Variants in JAKMIP1 observed in about 807,000 individuals in gnomAD.
JAKMIP1 encodes the protein janus kinase and microtubule-interacting protein 1.
A neutral mutation model predicts 113.0 loss-of-function variants in JAKMIP1; 33 were observed. That is an observed-to-expected ratio of 0.29 (90% CI 0.22 to 0.39). The LOEUF (loss-of-function observed/expected upper bound fraction) is 0.39. Among genes scored for constraint, JAKMIP1 ranks in the 10% least tolerant of loss-of-function variants. JAKMIP1 has a pLI of 1.00. For missense variants in JAKMIP1, 813 were observed against 1,080.5 expected (o/e 0.75, Z 3.47); for synonymous variants, 480 against 459.9 (o/e 1.04, Z -0.56).
At chr4:6,145,914 C>G (rs915311422) in intron 1 of JAKMIP1, among the ~76,000 whole-genome samples, 1 of 152,138 alleles carries the variant, frequency 6.6e-6, no homozygotes, top group African/African-American at 2.4e-5. Flanking sequence ...ATGTAACCAC[C>G]TCTTTACAGG....
intron 5 of JAKMIP1, among the ~76,000 whole-genome samples, chr4:6,082,852 A>G (rs1244417873): frequency 6.6e-6 from 1 of 152,318 alleles, no homozygotes; most frequent in Admixed American, 6.5e-5. Context: ...AGAGGTGAAC[A>G]GACCATGGTA....
At chr4:6,087,131 G>C (rs1721416216) in intron 3 of JAKMIP1, among the ~76,000 whole-genome samples, 1 of 152,200 alleles carries the variant, frequency 6.6e-6, no homozygotes, top group Non-Finnish European at 1.5e-5. Context: ...TTACATTTCA[G>C]TGGATTACAA....
chr4:6,169,600 A>G, intron 1 of JAKMIP1, among the ~76,000 whole-genome samples: 1 of 72,230 alleles, frequency 1.4e-5, no homozygotes, highest in Admixed American at 1.6e-4. Flanking sequence ...CAGCCCTAGG[A>G]AATTGTGTGT....
rs1479850819 is a variant in JAKMIP1, at chr4:6,176,746, G to A, written c.-148+23507C>T. ...ATTGGAGCCTATATCAAAGTGGTGG[G>A]AAAAGCTGGGCGCCATGGCTCACAC... On this transcript the variant is annotated intron_variant, in intron 1 of 20. Transcript: ENST00000409021. This position sits in a 1 kb window ranked among gnomAD's most constrained non-coding sequence, Gnocchi z 5.5. 6.6e-6 allele frequency among the ~76,000 whole-genome samples: 1 copy of A among 152,176 alleles called. No homozygotes were observed. Among genetic ancestry groups the A allele is most frequent in the Non-Finnish European group, 1.5e-5 (1 of 68,038 alleles).
intron 8 of JAKMIP1, among the ~76,000 whole-genome samples, chr4:6,068,558 CTT>C (rs35726105): frequency 4.4e-5 from 6 of 136,288 alleles, no homozygotes; most frequent in Non-Finnish European, 3.1e-5. Context: ...AATTTTTTAA[CTT>C]TTTTTTTTTT....
intron 1 of JAKMIP1, among the ~76,000 whole-genome samples, chr4:6,147,575 C>T (rs1337433055): frequency 6.6e-6 from 1 of 152,156 alleles, no homozygotes; most frequent in African/African-American, 2.4e-5. Context: ...CCAAACGGTC[C>T]CCCAGGCTCA....
At position 6,084,947 on chromosome 4, in the gene JAKMIP1, G is replaced by C; in HGVS notation, c.853C>G (p.Arg285Gly). Residue 285 changes from arginine to glycine, a missense_variant, in exon 5 of 21, where the codon CGA becomes GGA. Arg to Gly is a moderately radical substitution (Grantham distance 125). Coordinates refer to ENST00000409021, the MANE Select transcript of JAKMIP1 (RefSeq NM_001099433.2). ...TTTAGTTGAAATCGCCTCACATCTC[G>C]CTCGTCCATATGTTGATCCTAAAAA... ...MGVQDQHMDE[R>G]DVRRFQLKIA... 8.9e-7 allele frequency: 1 copy of C among 1,128,990 alleles called. No individual in the cohort carries two copies. Among genetic ancestry groups the C allele is most frequent in the Non-Finnish European group, 1.2e-6 (1 of 801,402 alleles). The allele number at this position is 1,128,990 out of a possible 1,614,324, so 69.9% of individuals were successfully genotyped here. A position where few individuals can be genotyped will look rare whatever the true frequency, so the allele number is the denominator to read the frequency against.
At chr4:6,084,514 A>G (rs59124008) in intron 5 of JAKMIP1, among the ~76,000 whole-genome samples, 1,969 of 152,182 alleles carry the variant, frequency 0.013, 52 homozygotes, top group African/African-American at 0.046. Context: ...CCTACGCTTT[A>G]GTATTGAACA....
Position 6,143,619 on chromosome 4 carries a change from G to C in JAKMIP1, c.-147-30622C>G, listed in dbSNP as rs1462756422. On this transcript the variant is annotated intron_variant, in intron 1 of 20. Coordinates refer to ENST00000409021, the MANE Select transcript of JAKMIP1 (RefSeq NM_001099433.2). This position sits in a 1 kb window ranked among gnomAD's most constrained non-coding sequence, Gnocchi z 4.9. ...CTCCCCTAGAACAGCAGTTCTCTGA[G>C]TGAGATCCTTAGACCAGCAGCATCT... 6.6e-6 allele frequency among the ~76,000 whole-genome samples: 1 copy of C among 152,190 alleles called. No individual in the cohort carries two copies. Among genetic ancestry groups the C allele is most frequent in the Non-Finnish European group, 1.5e-5 (1 of 68,030 alleles).
chr4:6,151,026 G>C (rs1721512173), intron 1 of JAKMIP1, among the ~76,000 whole-genome samples: 1 of 151,872 alleles, frequency 6.6e-6, no homozygotes, highest in Non-Finnish European at 1.5e-5. Context: ...GCTTCTATGT[G>C]ACCTTGTGCA....
At position 6,031,679 on chromosome 4, in the gene JAKMIP1, G is replaced by A. The variant is rs1054007541; in HGVS notation, c.2380-1898C>T. 2.0e-5 allele frequency among the ~76,000 whole-genome samples: 3 copies of A among 152,170 alleles called. No individual in the cohort carries two copies. Among genetic ancestry groups the A allele is most frequent in the Non-Finnish European group, 4.4e-5 (3 of 68,036 alleles). On this transcript the variant is annotated intron_variant, in intron 19 of 20. Coordinates refer to ENST00000409021, the MANE Select transcript of JAKMIP1 (RefSeq NM_001099433.2). This position sits in a 1 kb window ranked among gnomAD's most constrained non-coding sequence, Gnocchi z 4.4. ...GGAGCCAGTGACGGGTTCTAAGCAG[G>A]GAAATGATGAGCTTTTGATTTCAGG...
chr4:6,109,199 C>T (rs1407640707), intron 2 of JAKMIP1, among the ~76,000 whole-genome samples: 2 of 131,742 alleles, frequency 1.5e-5, no homozygotes, highest in African/African-American at 2.9e-5. Flanking sequence ...GTGGCACGAT[C>T]TTGGCTCACT....
At position 6,131,173 on chromosome 4, in the gene JAKMIP1, A is replaced by AAAAAAAAG. The variant is rs71173409; in HGVS notation, c.-147-18177_-147-18176insCTTTTTTT. Among the ~76,000 whole-genome samples, 741 of 95,436 alleles carry AAAAAAAAG rather than the reference A, an allele frequency of 7.8e-3. 67 individuals carry two copies. The highest frequency in any genetic ancestry group is 0.027 in the African/African-American group (709 of 26,134). The allele number at this position is 95,436 out of a possible 152,430, so 62.6% of individuals were successfully genotyped here. Reference sequence around the variant, plus strand: ...TAAGACCTTGCCTCCAAAAAAAAAAAAATATCCCAGGACTATAAGACAACT... The same window carrying AAAAAAAAG: ...TAAGACCTTGCCTCCAAAAAAAAAAAAAAAAAAGAATATCCCAGGACTATAAGACAACT... On this transcript the variant is annotated intron_variant, in intron 1 of 20. Coordinates refer to ENST00000409021, the MANE Select transcript of JAKMIP1 (RefSeq NM_001099433.2).
In JAKMIP1 at chr4:6,094,854, G is replaced by A. The variant is rs1401049092; in HGVS notation, c.625-9225C>T. 6.6e-6 allele frequency among the ~76,000 whole-genome samples: 1 copy of A among 152,016 alleles called. No homozygotes were observed. The highest frequency in any genetic ancestry group is 2.4e-5 in the African/African-American group (1 of 41,380). On this transcript the variant is annotated intron_variant, in intron 3 of 20. Coordinates refer to ENST00000409021, the MANE Select transcript of JAKMIP1 (RefSeq NM_001099433.2). The surrounding 1 kb of genome is among the most constrained non-coding windows in gnomAD (Gnocchi z 4.2). ...GCAAAAAATACAAAAAAATTAGCTGGGCATAGGTGGTCCTGGCTATTCAGG... is the reference window on the plus strand; with the variant it reads ...GCAAAAAATACAAAAAAATTAGCTGAGCATAGGTGGTCCTGGCTATTCAGG...
intron 1 of JAKMIP1, among the ~76,000 whole-genome samples, chr4:6,170,670 C>A (rs994960890): frequency 6.6e-5 from 10 of 151,584 alleles, no homozygotes; most frequent in African/African-American, 2.4e-4. Flanking sequence ...ATCCCACCAC[C>A]CTTCTCACCT....
chr4:6,117,663 C>A (rs7680232), intron 1 of JAKMIP1, among the ~76,000 whole-genome samples: 2 of 151,586 alleles, frequency 1.3e-5, no homozygotes, highest in South Asian at 4.2e-4. Context: ...AGCCTGGGAG[C>A]GCTATGGGAG....
chr4:6,066,593 G>T lies in JAKMIP1; in HGVS notation c.1303-1585C>A, dbSNP rs139337681. On this transcript the variant is annotated intron_variant, in intron 8 of 20. Transcript: ENST00000409021. ...CCTCCCGCAATCTAACCTGAGTCCA[G>T]CAGCAGCAGCTCATGCTTCAGTTGC... Among the ~76,000 whole-genome samples, 4 of 152,246 alleles carry T rather than the reference G, an allele frequency of 2.6e-5. 1 individual carries two copies. In the East Asian group the frequency reaches 7.7e-4, roughly 29 times the overall value.
At position 6,129,078 on chromosome 4, in the gene JAKMIP1, G is replaced by C. The variant is rs527785739; in HGVS notation, c.-147-16081C>G. Among the ~76,000 whole-genome samples the C allele has an allele frequency of 2.6e-5, 4 of 152,322 alleles. No homozygotes were observed. The South Asian group carries it at 8.3e-4, about 32-fold the overall frequency. ...GCCCAGAGCAGGTGACAGTACCCCT[G>C]GGAGCCCTCTTTGGATGCCTGCTGG... On this transcript the variant is annotated intron_variant, in intron 1 of 20. Transcript: ENST00000409021. The surrounding 1 kb of genome is among the most constrained non-coding windows in gnomAD (Gnocchi z 5.4).
chr4:6,105,441 T>A, intron 3 of JAKMIP1, 32 bp downstream of exon 3: 5 of 1,548,110 alleles, frequency 3.2e-6, no homozygotes, highest in Non-Finnish European at 4.3e-6. Flanking sequence ...GAAGGCCGCG[T>A]GCCCGCGGGC....
Sources: allele counts gnomAD v4.1 joint callset (sites outside exome capture counted in the v4.1 genomes callset), GRCh38; gene constraint gnomAD v4.1.1; non-coding constraint Gnocchi (gnomAD v3.1); transcripts MANE v1.5; gene names NCBI Gene and HGNC (gene_info 2026-07-23, HGNC 2026-07-21).